VTA1: variants seen among roughly 807,000 people sequenced by gnomAD.
The protein encoded by VTA1 is vacuolar protein sorting-associated protein VTA1 homolog.
VTA1 carries 24 observed loss-of-function variants against 36.9 expected under a neutral mutation model. The observed-to-expected ratio is 0.65, with a 90% CI of 0.47 to 0.91. The LOEUF (loss-of-function observed/expected upper bound fraction) is 0.91, where lower values mean the gene tolerates loss of function less well. VTA1 is among the 40% of genes least tolerant of loss of function. VTA1 has a pLI of 0.00. For missense variants in VTA1, 393 were observed against 377.2 expected, an observed-to-expected ratio of 1.04 and a Z score of -0.35; for synonymous variants, 142 against 130.2, an observed-to-expected ratio of 1.09 and a Z score of -0.62.
Position 142,186,851 on chromosome 6 carries a change from A to G in VTA1, c.412-2575A>G, listed in dbSNP as rs185622809. Among the ~76,000 whole-genome samples the G allele has an allele frequency of 2.9e-4, 44 of 152,224 alleles. No homozygotes were observed. In the East Asian group the frequency reaches 8.1e-3, roughly 28 times the overall value. On this transcript the variant is annotated intron_variant, in intron 4 of 7. Transcript: ENST00000367630. ...AAAAAAAAAGCTAGATGGCAGGATC[A>G]TGATGTTTGTATGAATCTGGTAGGT...
At chr6:142,171,482 A>G (rs1455825143) in intron 4 of VTA1, among the ~76,000 whole-genome samples, 3 of 152,192 alleles carry the variant, frequency 2.0e-5, no homozygotes, top group East Asian at 1.9e-4. Flanking sequence ...TAAAATGCAT[A>G]TAAGACTTAA....
At chr6:142,214,413 T>C (rs1224223255) in intron 7 of VTA1, among the ~76,000 whole-genome samples, 1 of 152,146 alleles carries the variant, frequency 6.6e-6, no homozygotes, top group Non-Finnish European at 1.5e-5. Flanking sequence ...AGGCACCTTC[T>C]TCACACGGCA....
At chr6:142,203,212 A>T (rs761258577) in intron 6 of VTA1, among the ~76,000 whole-genome samples, 1 of 151,926 alleles carries the variant, frequency 6.6e-6, no homozygotes, top group Non-Finnish European at 1.5e-5. Context: ...TTCTTATTCC[A>T]GTATTTTTCC....
rs910962877 is a variant in VTA1 at position 142,220,237 on chromosome 6, A to G, written c.*1594A>G. ...TGCATCTAGAAATCCAATGCTCTTT[A>G]GAATGTTATTACGAATAGAAAGATG... On this transcript the variant is annotated 3_prime_UTR_variant, in exon 8 of 8. Transcript: ENST00000367630. 3 of 152,222 alleles carry G rather than the reference A, an allele frequency of 2.0e-5. No individual in the cohort carries two copies. The highest frequency in any genetic ancestry group is 4.4e-5 in the Non-Finnish European group (3 of 68,036). The allele number at this position is 152,222 out of a possible 1,614,324, so 9.4% of individuals were successfully genotyped here.
At chr6:142,181,780 T>G (rs1462113983) in intron 4 of VTA1, among the ~76,000 whole-genome samples, 5 of 152,172 alleles carry the variant, frequency 3.3e-5, no homozygotes, top group African/African-American at 9.7e-5. Flanking sequence ...CTTTGTGTAT[T>G]AAGTTATAGT....
At chr6:142,213,724 G>A (rs1345005860) in intron 7 of VTA1, among the ~76,000 whole-genome samples, 2 of 152,180 alleles carry the variant, frequency 1.3e-5, no homozygotes, top group Non-Finnish European at 2.9e-5. Context: ...GTGTGGCCAT[G>A]GCCCAAGCCA....
At chr6:142,170,453 T>C (rs1224169252) in intron 4 of VTA1, 32 bp downstream of exon 4, 3 of 1,357,078 alleles carry the variant, frequency 2.2e-6, no homozygotes, top group Non-Finnish European at 3.1e-6. Flanking sequence ...TCTTATTAGC[T>C]GAAGATCAGT....
intron 4 of VTA1, among the ~76,000 whole-genome samples, chr6:142,172,848 A>G (rs905147912): frequency 5.3e-5 from 8 of 152,124 alleles, no homozygotes; most frequent in Admixed American, 2.6e-4. Context: ...CAGACAGATG[A>G]TGGAAGACCT....
chr6:142,175,473 C>T (rs1333196994), intron 4 of VTA1, among the ~76,000 whole-genome samples: 1 of 152,018 alleles, frequency 6.6e-6, no homozygotes, highest in East Asian at 1.9e-4. Context: ...CTAGTCCTTA[C>T]ATGAATTTCT....
chr6:142,176,816 G>A (rs1775135109), intron 4 of VTA1, among the ~76,000 whole-genome samples: 1 of 151,992 alleles, frequency 6.6e-6, no homozygotes, highest in South Asian at 2.1e-4. Context: ...AGTGTTTCTG[G>A]GACCACATTT....
intron 1 of VTA1, among the ~76,000 whole-genome samples, chr6:142,152,478 T>G (rs1399741052): frequency 6.6e-6 from 1 of 152,084 alleles, no homozygotes; most frequent in East Asian, 1.9e-4. Flanking sequence ...TGAATTTAAT[T>G]TATAAAAATA....
intron 4 of VTA1, among the ~76,000 whole-genome samples, chr6:142,188,013 T>C (rs1775376923): frequency 6.7e-6 from 1 of 150,032 alleles, no homozygotes; most frequent in South Asian, 2.1e-4. Context: ...GTTCACGTGA[T>C]TCTCATGCCT....
In VTA1 at chr6:142,198,512, T is replaced by G; in HGVS notation, c.594T>G (p.Thr198=). ...TQPTQPSSSS[T]YDPSNMPSGN... ...CAACTCAGCCATCATCATCTTCAAC[T>G]TATGACCCAAGCAACATGCCATCAG... The change falls in exon 6 of 8, where the codon ACT becomes ACG. Residue 198 remains threonine (T), a synonymous_variant. Coordinates refer to ENST00000367630, the MANE Select transcript of VTA1 (RefSeq NM_016485.5). 6.2e-7 allele frequency: 1 copy of G among 1,614,154 alleles called. No homozygotes were observed. The highest frequency in any genetic ancestry group is 8.5e-7 in the Non-Finnish European group (1 of 1,180,000).
At chr6:142,218,439 A>G (rs767709178) in intron 7 of VTA1, 59 bp from the exon 8 acceptor site, 75 of 1,572,116 alleles carry the variant, frequency 4.8e-5, no homozygotes, top group Non-Finnish European at 6.3e-5. Flanking sequence ...GCATTTGCCC[A>G]ACCTTACAGA....
Position 142,173,794 on chromosome 6 carries a change from A to G in VTA1, c.411+3373A>G, listed in dbSNP as rs184551888. On this transcript the variant is annotated intron_variant, in intron 4 of 7. Transcript: ENST00000367630. ...TTTTAGCTACCATTAATGAAGAACC[A>G]TCTTCCTTAATTTTTTGAACATAGT... Among the ~76,000 whole-genome samples the G allele has an allele frequency of 4.0e-3, 604 of 152,328 alleles. 3 individuals carry two copies. Among genetic ancestry groups the G allele is most frequent in the Non-Finnish European group, 4.6e-3 (312 of 68,016 alleles).
chr6:142,170,738 A>T (rs1013491415), intron 4 of VTA1, among the ~76,000 whole-genome samples: 1 of 151,428 alleles, frequency 6.6e-6, no homozygotes, highest in African/African-American at 2.4e-5. Flanking sequence ...GGCTCAAGCA[A>T]TTCTCCTGCC....
chr6:142,158,272 A>G (rs1778701307), intron 1 of VTA1, among the ~76,000 whole-genome samples: 1 of 152,204 alleles, frequency 6.6e-6, no homozygotes, highest in African/African-American at 2.4e-5. Flanking sequence ...GTGTATATGA[A>G]GAGAGACATC....
Position 142,218,583 on chromosome 6 carries a change from A to G in VTA1, c.864A>G (p.Val288=). ...YAGSALQYED[V]STAVQNLQKA... ...GCAGTGCTTTGCAGTATGAAGATGTAAGCACTGCTGTCCAGAATCTACAAA... is the reference window on the plus strand; with the variant it reads ...GCAGTGCTTTGCAGTATGAAGATGTGAGCACTGCTGTCCAGAATCTACAAA... The change falls in exon 8 of 8, where the codon GTA becomes GTG. Residue 288 remains valine (V), a synonymous_variant. Coordinates refer to ENST00000367630, the MANE Select transcript of VTA1 (RefSeq NM_016485.5). 1 of 1,613,612 alleles carries G rather than the reference A, an allele frequency of 6.2e-7. No individual in the cohort carries two copies. The highest frequency in any genetic ancestry group is 8.5e-7 in the Non-Finnish European group (1 of 1,179,740).
Position 142,147,413 on chromosome 6 carries a change from A to T in VTA1, c.112+14A>T. The T allele has an allele frequency of 2.5e-6, 4 of 1,611,304 alleles. No homozygotes were observed. The highest frequency in any genetic ancestry group is 3.4e-6 in the Non-Finnish European group (4 of 1,178,540). The stretch of plus-strand genomic sequence containing the variant: ...TGGCTTATTACTGTGAGTCTTTCCG[A>T]GTGGCCGCGCCCTTTCTTTCCCAGT... On this transcript the variant is annotated intron_variant, in intron 1 of 7. Coordinates refer to ENST00000367630, the MANE Select transcript of VTA1 (RefSeq NM_016485.5).
Sources: gnomAD v4.1 joint callset for allele counts (sites outside exome capture counted in the v4.1 genomes callset) on GRCh38, gnomAD v4.1.1 for gene constraint, MANE v1.5 for transcripts, NCBI Gene and HGNC (gene_info 2026-07-23, HGNC 2026-07-21) for gene names.